MSANTD3: variants seen among roughly 807,000 people sequenced by gnomAD.
MSANTD3 encodes the protein Myb/SANT DNA binding domain containing 3.
Under a neutral mutation model 27.7 loss-of-function variants are expected in MSANTD3, and 11 were observed. The ratio of observed to expected loss-of-function variants is 0.40; its 90% CI spans 0.25 to 0.66. The LOEUF is 0.66. Ranked by LOEUF, MSANTD3 falls within the 30% of genes least tolerant of loss-of-function variation. The pLI is 0.41. For missense variants in MSANTD3, 250 were observed against 336.5 expected, an observed-to-expected ratio of 0.74 and a Z score of 2.01; for synonymous variants, 131 against 127.2, an observed-to-expected ratio of 1.03 and a Z score of -0.20.
At chr9:100,447,649 T>C (rs1836786442) in intron 2 of MSANTD3, among the ~76,000 whole-genome samples, 2 of 152,174 alleles carry the variant, frequency 1.3e-5, no homozygotes, top group South Asian at 4.1e-4. Context: ...TGAGTTTGGA[T>C]TTTGGAGTCA....
rs1836874409 is a variant in MSANTD3 at position 100,451,035 on chromosome 9, G to A, written c.*69G>A. 1.4e-6 allele frequency: 2 copies of A among 1,455,974 alleles called. No homozygotes were observed. Among genetic ancestry groups the A allele is most frequent in the Non-Finnish European group, 1.8e-6 (2 of 1,082,208 alleles). The allele number at this position is 1,455,974 out of a possible 1,614,324, so 90.2% of individuals were successfully genotyped here. On this transcript the variant is annotated 3_prime_UTR_variant, in exon 3 of 3. Coordinates refer to ENST00000395067, the MANE Select transcript of MSANTD3 (RefSeq NM_080655.3). ...GAATGTCTGGAACATGGACTTGGCG[G>A]TCAGTAACCTGTAACAGAGCTACAA...
In MSANTD3 at chr9:100,451,036, T is replaced by G; in HGVS notation, c.*70T>G. On this transcript the variant is annotated 3_prime_UTR_variant, in exon 3 of 3. Transcript: ENST00000395067. ...AATGTCTGGAACATGGACTTGGCGG[T>G]CAGTAACCTGTAACAGAGCTACAAC... 6.9e-7 allele frequency: 1 copy of G among 1,455,162 alleles called. No individual in the cohort carries two copies. The highest frequency in any genetic ancestry group is 9.2e-7 in the Non-Finnish European group (1 of 1,081,302). The allele number at this position is 1,455,162 out of a possible 1,614,324, so 90.1% of individuals were successfully genotyped here.
chr9:100,444,593 T>A (rs1836708641), intron 2 of MSANTD3: 1 of 152,640 alleles, frequency 6.6e-6, no homozygotes, highest in Non-Finnish European at 1.5e-5. Context: ...TTGCTTATGT[T>A]CCCTGGGAGA....
intron 2 of MSANTD3, among the ~76,000 whole-genome samples, chr9:100,443,243 T>G (rs1217909690): frequency 6.6e-6 from 1 of 151,316 alleles, no homozygotes; most frequent in Non-Finnish European, 1.5e-5. Flanking sequence ...CTACTAAAAA[T>G]ACAAAATTAG....
Position 100,438,433 on chromosome 9 carries a change from T to TAA in MSANTD3, c.-33-3473_-33-3472insAA. Among the ~76,000 whole-genome samples the TAA allele has an allele frequency of 2.6e-5, 4 of 152,274 alleles. No homozygotes were observed. In the East Asian group the frequency reaches 5.8e-4, roughly 22 times the overall value. On this transcript the variant is annotated intron_variant, in intron 1 of 2. Transcript: ENST00000395067. ...AAAAGAGATTTATTTAGAAAGTGTGTGTGTGTGTGTGTACACACACATATA... is the reference window on the plus strand; with the variant it reads ...AAAAGAGATTTATTTAGAAAGTGTGTAAGTGTGTGTGTGTACACACACATATA...
intron 1 of MSANTD3, among the ~76,000 whole-genome samples, chr9:100,428,642 C>T (rs1836296658): frequency 6.6e-6 from 1 of 152,144 alleles, no homozygotes; most frequent in African/African-American, 2.4e-5. Context: ...TCTCTTTTTA[C>T]TCCCAGGCCG....
At chr9:100,431,286 G>A (rs1005849631) in intron 1 of MSANTD3, among the ~76,000 whole-genome samples, 42 of 148,910 alleles carry the variant, frequency 2.8e-4, no homozygotes, top group African/African-American at 9.4e-4. Context: ...ACAGGCGTGA[G>A]CCACCATGCC....
chr9:100,451,255 TG>T lies in MSANTD3; in HGVS notation c.*290del, dbSNP rs893798838. On this transcript the variant is annotated 3_prime_UTR_variant, in exon 3 of 3. Coordinates refer to ENST00000395067, the MANE Select transcript of MSANTD3 (RefSeq NM_080655.3). ...AACCACGTGTGAGTGTTGTTGTTGT[TG>T]TTTTTTTTTTTAATCAAATGCAAGT... The T allele has an allele frequency of 1.6e-4, 47 of 300,484 alleles. 1 individual carries two copies. The highest frequency in any genetic ancestry group is 9.2e-4 in the Middle Eastern group (1 of 1,086). 18.6% of individuals were successfully genotyped at this position (300,484 alleles called of 1,614,324 possible).
Position 100,428,573 on chromosome 9 carries a change from AC to A in MSANTD3, c.-34+1183del, listed in dbSNP as rs1564245465. The stretch of plus-strand genomic sequence containing the variant: ...GCCAGATTTCATCCCTCCCGTAGAG[AC>A]CCGGGCTAGGGGACAAAGGCTGCTG... On this transcript the variant is annotated intron_variant, in intron 1 of 2. Transcript: ENST00000395067. Among the ~76,000 whole-genome samples the A allele has an allele frequency of 3.3e-5, 5 of 152,040 alleles. No individual in the cohort carries two copies. In the South Asian group the frequency reaches 1.0e-3, roughly 32 times the overall value.
chr9:100,441,307 A>T (rs1259150495), intron 1 of MSANTD3, among the ~76,000 whole-genome samples: 1 of 152,090 alleles, frequency 6.6e-6, no homozygotes, highest in African/African-American at 2.4e-5. Context: ...GGGAATAATC[A>T]GTTCCCTAAT....
chr9:100,437,476 G>C (rs1836502420), intron 1 of MSANTD3, among the ~76,000 whole-genome samples: 1 of 152,150 alleles, frequency 6.6e-6, no homozygotes, highest in Admixed American at 6.5e-5. Context: ...TCTTATCTGG[G>C]AAATGGGAAT....
rs1347185919 is a variant in MSANTD3 at position 100,442,313 on chromosome 9, CCCGGAGG to C, written c.376_382del (p.Pro126ArgfsTer50). 6.2e-7 allele frequency: 1 copy of C among 1,613,914 alleles called. No homozygotes were observed. Among genetic ancestry groups the C allele is most frequent in the Admixed American group, 1.7e-5 (1 of 60,020 alleles). ...AGCAGCTCTACTTCCTGCAGAGCCC[CCCGGAGG>C]AGGAGCCCGAATACCACCCCGACGC... On this transcript the variant is annotated frameshift_variant, in exon 2 of 3. Coordinates refer to ENST00000395067, the MANE Select transcript of MSANTD3 (RefSeq NM_080655.3). LOFTEE classifies it high-confidence loss of function.
At chr9:100,432,780 C>G (rs973646456) in intron 1 of MSANTD3, among the ~76,000 whole-genome samples, 1 of 152,220 alleles carries the variant, frequency 6.6e-6, no homozygotes, top group Non-Finnish European at 1.5e-5. Flanking sequence ...GTAATGCTCT[C>G]TTTCATTGGC....
At position 100,444,888 on chromosome 9, in the gene MSANTD3, A is replaced by G. The variant is rs189508857; in HGVS notation, c.418+2532A>G. On this transcript the variant is annotated intron_variant, in intron 2 of 2. Transcript: ENST00000395067. The stretch of plus-strand genomic sequence containing the variant: ...TTCTCAGTGTTTTTCTTATAGTAAC[A>G]TTTAATAGTGACTCAAGTATAAACG... 318 of 280,742 alleles carry G rather than the reference A, an allele frequency of 1.1e-3. 1 individual carries two copies. Among genetic ancestry groups the G allele is most frequent in the Admixed American group, 2.0e-3 (40 of 20,062 alleles). 17.4% of individuals were successfully genotyped at this position (280,742 alleles called of 1,614,324 possible).
intron 1 of MSANTD3, among the ~76,000 whole-genome samples, chr9:100,435,089 T>C (rs946326422): frequency 6.6e-6 from 1 of 152,228 alleles, no homozygotes; most frequent in Non-Finnish European, 1.5e-5. Context: ...AGTCTGTGTT[T>C]CTTTATTCAC....
chr9:100,447,617 G>C (rs1266330354), intron 2 of MSANTD3, among the ~76,000 whole-genome samples: 1 of 152,160 alleles, frequency 6.6e-6, no homozygotes, highest in Non-Finnish European at 1.5e-5. Context: ...TGGAAGAGTG[G>C]GAGGCTGATT....
chr9:100,432,329 A>C (rs1836394640), intron 1 of MSANTD3, among the ~76,000 whole-genome samples: 1 of 152,290 alleles, frequency 6.6e-6, no homozygotes, highest in South Asian at 2.1e-4. Context: ...AGGTATGTAC[A>C]TGTGCAGGCA....
chr9:100,448,306 TG>T, intron 2 of MSANTD3: 1 of 984,328 alleles, frequency 1.0e-6, no homozygotes, highest in Non-Finnish European at 1.2e-6. Flanking sequence ...AACTATCCCC[TG>T]GAATGAAATC....
At chr9:100,443,556 G>A (rs1437613802) in intron 2 of MSANTD3, among the ~76,000 whole-genome samples, 1 of 152,092 alleles carries the variant, frequency 6.6e-6, no homozygotes, top group Non-Finnish European at 1.5e-5. Flanking sequence ...CAGGGATCTT[G>A]AAAAGCTCCA....
Sources: allele counts gnomAD v4.1 joint callset (sites outside exome capture counted in the v4.1 genomes callset), GRCh38; gene constraint gnomAD v4.1.1; transcripts MANE v1.5; gene names NCBI Gene and HGNC (gene_info 2026-07-23, HGNC 2026-07-21).